The following CMBL variants were observed in gnomAD, a reference collection of about 807,000 sequenced individuals.
CMBL encodes the protein carboxymethylenebutenolidase homolog.
CMBL carries 17 observed loss-of-function variants against 28.7 expected under a neutral mutation model. The ratio of observed to expected loss-of-function variants is 0.59; its 90% CI spans 0.41 to 0.89. CMBL has a LOEUF of 0.89. CMBL is among the 40% of genes least tolerant of loss of function. The pLI, the probability that CMBL is intolerant of heterozygous loss-of-function variation, is 0.00. For missense variants in CMBL, 310 were observed against 298.5 expected, an observed-to-expected ratio of 1.04 and a Z score of -0.28; for synonymous variants, 106 against 101.6, an observed-to-expected ratio of 1.04 and a Z score of -0.26.
intron 1 of CMBL, among the ~76,000 whole-genome samples, chr5:10,291,298 T>A (rs1319263786): frequency 6.6e-6 from 1 of 151,970 alleles, no homozygotes; most frequent in East Asian, 1.9e-4. Context: ...GGAGAAGAGC[T>A]CCATCCGCCA....
rs553295566 is a variant in CMBL at position 10,288,482 on chromosome 5, G to A, written c.263C>T (p.Ser88Phe). The A allele has an allele frequency of 1.2e-6, 2 of 1,614,142 alleles. No homozygotes were observed. Among genetic ancestry groups the A allele is most frequent in the South Asian group, 1.1e-5 (1 of 91,078 alleles). ...CTCAGGGAAGATAGACCAGTCGCCA[G>A]AGGGGTCCCAAGGCTCTTGCCCTAC... The part of the protein sequence containing the change: ...FFVGQEPWDP[S>F]GDWSIFPEWL... Residue 88 changes from serine to phenylalanine, a missense_variant, in exon 3 of 6, where the codon TCT (serine) becomes TTT (phenylalanine). Physicochemically the swap from Ser to Phe is radical, Grantham distance 155. Transcript: ENST00000296658.
At chr5:10,306,526 C>T (rs1010919786) in intron 1 of CMBL, among the ~76,000 whole-genome samples, 3 of 152,156 alleles carry the variant, frequency 2.0e-5, no homozygotes, top group Non-Finnish European at 4.4e-5. Context: ...CGTGGAAGTG[C>T]ATCCAGGGCT....
chr5:10,305,866 A>G (rs888700580), intron 1 of CMBL, among the ~76,000 whole-genome samples: 4 of 152,136 alleles, frequency 2.6e-5, no homozygotes, highest in African/African-American at 7.2e-5. Flanking sequence ...ACTGTGCCCA[A>G]TCTTACAGTT....
intron 1 of CMBL, among the ~76,000 whole-genome samples, chr5:10,297,422 T>C (rs1379299426): frequency 6.6e-6 from 1 of 151,640 alleles, no homozygotes; most frequent in Admixed American, 6.6e-5. Flanking sequence ...ATACAAAAAT[T>C]AGCCAGGCAG....
Position 10,280,103 on chromosome 5 carries a change from T to C in CMBL, c.*350A>G, listed in dbSNP as rs542758884. ...ACAGGCGTGCACCACCACACCAGGCTAATTTTTGTATTTTTTGTAGAGATG... is the reference window on the plus strand; with the variant it reads ...ACAGGCGTGCACCACCACACCAGGCCAATTTTTGTATTTTTTGTAGAGATG... On this transcript the variant is annotated 3_prime_UTR_variant, in exon 6 of 6. Coordinates refer to ENST00000296658, the MANE Select transcript of CMBL (RefSeq NM_138809.4). The C allele has an allele frequency of 5.8e-4, 97 of 167,938 alleles. No homozygotes were observed. Among genetic ancestry groups the C allele is most frequent in the Middle Eastern group, 3.0e-3 (1 of 334 alleles). The allele number at this position is 167,938 out of a possible 1,614,324, so 10.4% of individuals were successfully genotyped here. A position where few individuals can be genotyped will look rare whatever the true frequency, so the allele number is the denominator to read the frequency against.
chr5:10,286,655 T>G (rs1342509491), intron 3 of CMBL, among the ~76,000 whole-genome samples, 159 bp from the exon 4 acceptor site: 1 of 152,210 alleles, frequency 6.6e-6, no homozygotes, highest in Non-Finnish European at 1.5e-5. Flanking sequence ...GCCCAACTGA[T>G]GCATCATCCC....
intron 1 of CMBL, among the ~76,000 whole-genome samples, chr5:10,303,398 G>C (rs1746945646): frequency 1.3e-5 from 2 of 152,188 alleles, no homozygotes; most frequent in Non-Finnish European, 2.9e-5. Flanking sequence ...ACATTTTACA[G>C]AGTTTGACTT....
intron 4 of CMBL, among the ~76,000 whole-genome samples, chr5:10,282,959 A>G (rs949401264): frequency 6.6e-6 from 1 of 151,690 alleles, no homozygotes; most frequent in African/African-American, 2.4e-5. Flanking sequence ...GTGTGGTGGC[A>G]CGCGCCTGCA....
chr5:10,286,816 A>G (rs754492849), intron 3 of CMBL, among the ~76,000 whole-genome samples: 26 of 152,188 alleles, frequency 1.7e-4, no homozygotes, highest in Non-Finnish European at 3.5e-4. Flanking sequence ...CACAGCCCAC[A>G]GCACGGTTCG....
intron 4 of CMBL, 46 bp downstream of exon 4, chr5:10,286,308 C>CTTT (rs1561062070): frequency 1.9e-6 from 3 of 1,577,550 alleles, no homozygotes; most frequent in Non-Finnish European, 2.6e-6. Context: ...GTCACTCTTC[C>CTTT]ACCCCTCCCT....
rs545159011 is a variant in CMBL, at chr5:10,297,586, A to G, written c.-19-6805T>C. Reference sequence around the variant, plus strand: ...CTCTATCTCAAAAAAAAAAAAAAAAAAGAGCAAAGAGACTGTGCAAAAGAT... The same window carrying G: ...CTCTATCTCAAAAAAAAAAAAAAAAGAGAGCAAAGAGACTGTGCAAAAGAT... On this transcript the variant is annotated intron_variant, in intron 1 of 5. Transcript: ENST00000296658. Among the ~76,000 whole-genome samples, 75 of 152,040 alleles carry G rather than the reference A, an allele frequency of 4.9e-4. 1 individual carries two copies. Among genetic ancestry groups the G allele is most frequent in the African/African-American group, 1.1e-3 (46 of 41,510 alleles).
rs1168605410 is a variant in CMBL at position 10,278,861 on chromosome 5, C to G, written c.*1592G>C. ...AACAAGCTTCCTGCGAGAGGGACACCTGGCCACAGGTTGGACACTCAGGAA... is the reference window on the plus strand; with the variant it reads ...AACAAGCTTCCTGCGAGAGGGACACGTGGCCACAGGTTGGACACTCAGGAA... On this transcript the variant is annotated 3_prime_UTR_variant, in exon 6 of 6. Transcript: ENST00000296658. Among the ~76,000 whole-genome samples, 1 of 152,004 alleles carries G rather than the reference C, an allele frequency of 6.6e-6. No homozygotes were observed. Among genetic ancestry groups the G allele is most frequent in the Non-Finnish European group, 1.5e-5 (1 of 68,012 alleles).
chr5:10,288,550 T>C (rs1307325476), intron 2 of CMBL, 21 bp from the exon 3 acceptor site: 3 of 1,518,392 alleles, frequency 2.0e-6, no homozygotes, highest in Admixed American at 1.7e-5. Flanking sequence ...TGGACATGAA[T>C]TGATCTTAGT....
chr5:10,290,445 A>G (rs754671251), intron 2 of CMBL, 103 bp downstream of exon 2: 1 of 902,474 alleles, frequency 1.1e-6, no homozygotes, highest in Non-Finnish European at 1.8e-6. Flanking sequence ...TGTACAGTAG[A>G]TACTGTATAG....
intron 1 of CMBL, among the ~76,000 whole-genome samples, chr5:10,291,384 C>T (rs574607517): frequency 1.3e-5 from 2 of 152,262 alleles, no homozygotes; most frequent in Admixed American, 1.3e-4. Flanking sequence ...AATCCTCGGC[C>T]GGGCGCGGTG....
In CMBL at chr5:10,289,721, A is replaced by C. The variant is rs1478696748; in HGVS notation, c.215+827T>G. On this transcript the variant is annotated intron_variant, in intron 2 of 5. Transcript: ENST00000296658. This position sits in a 1 kb window ranked among gnomAD's most constrained non-coding sequence, Gnocchi z 4.3. The stretch of plus-strand genomic sequence containing the variant: ...TTAAGTCCCCTCACATGGGGACGTG[A>C]AAAAGGAAAACTTCAAGGAAGGTCT... 6.6e-6 allele frequency among the ~76,000 whole-genome samples: 1 copy of C among 152,172 alleles called. No homozygotes were observed. Among genetic ancestry groups the C allele is most frequent in the Non-Finnish European group, 1.5e-5 (1 of 68,030 alleles).
intron 4 of CMBL, among the ~76,000 whole-genome samples, chr5:10,285,694 C>CTTTCTT (rs1561061901): frequency 1.1e-5 from 1 of 87,380 alleles, no homozygotes. Context: ...CTTTCTCTTT[C>CTTTCTT]TTTTTCTTTT....
At chr5:10,282,987 G>A (rs1746524442) in intron 4 of CMBL, among the ~76,000 whole-genome samples, 2 of 151,778 alleles carry the variant, frequency 1.3e-5, no homozygotes, top group South Asian at 4.2e-4. Context: ...CTACTCGGGA[G>A]GCTGAGGCAG....
At chr5:10,285,700 C>CTTTTTTTTTTT (rs34390937) in intron 4 of CMBL, among the ~76,000 whole-genome samples, 1 of 133,706 alleles carries the variant, frequency 7.5e-6, no homozygotes, top group Non-Finnish European at 1.6e-5. Context: ...CTTTCTTTTT[C>CTTTTTTTTTTT]TTTTTTTTTT....
Sources: allele counts gnomAD v4.1 joint callset (sites outside exome capture counted in the v4.1 genomes callset), GRCh38; gene constraint gnomAD v4.1.1; non-coding constraint Gnocchi (gnomAD v3.1); transcripts MANE v1.5; gene names NCBI Gene and HGNC (gene_info 2026-07-23, HGNC 2026-07-21).